The following C1QTNF3 variants were observed in gnomAD, a reference collection of about 807,000 sequenced individuals.
The protein encoded by C1QTNF3 is C1q and TNF related 3.
Under a neutral mutation model 32.6 loss-of-function variants are expected in C1QTNF3, and 26 were observed. That is an observed-to-expected ratio of 0.80 (90% CI 0.58 to 1.11). The LOEUF (loss-of-function observed/expected upper bound fraction) is 1.11, where lower values mean the gene tolerates loss of function less well. Among genes scored for constraint, C1QTNF3 ranks in the 50% least tolerant of loss-of-function variants. The probability of loss-of-function intolerance (pLI) is 0.00; values close to 1 mark genes in which losing one functional copy is unlikely to be tolerated. For missense variants in C1QTNF3, 362 were observed against 398.2 expected (o/e 0.91, Z 0.77); for synonymous variants, 155 against 146.0 (o/e 1.06, Z -0.44).
chr5:34,165,476 G>C, the C1QTNF3 span: 44 of 152,160 alleles, frequency 2.9e-4, no homozygotes, highest in South Asian at 7.9e-3. Flanking sequence ...AATAAAATTT[G>C]ATAATGTATG....
the C1QTNF3 span, among the ~76,000 whole-genome samples, chr5:34,062,282 G>C: frequency 6.7e-4 from 102 of 152,294 alleles, no homozygotes; most frequent in African/African-American, 2.4e-3. Context: ...ATGCAAAATT[G>C]TTTCAGAGAG....
At chr5:34,077,282 A>T in the C1QTNF3 span, among the ~76,000 whole-genome samples, 1 of 151,682 alleles carries the variant, frequency 6.6e-6, no homozygotes, top group African/African-American at 2.4e-5. Context: ...AAATGTTGCT[A>T]ATAATTATTT....
chr5:34,184,662 C>T, the C1QTNF3 span, among the ~76,000 whole-genome samples: 1 of 151,142 alleles, frequency 6.6e-6, no homozygotes, highest in African/African-American at 2.4e-5. Context: ...TGTAGTGAGC[C>T]GCGATCATGC....
chr5:34,124,486 G>A, the C1QTNF3 span: 4 of 715,246 alleles, frequency 5.6e-6, no homozygotes, highest in Non-Finnish European at 5.2e-6. Context: ...GGCCCGTCAC[G>A]ATGAGACCAG....
At chr5:34,133,451 A>T in the C1QTNF3 span, among the ~76,000 whole-genome samples, 1 of 152,136 alleles carries the variant, frequency 6.6e-6, no homozygotes, top group Non-Finnish European at 1.5e-5. Flanking sequence ...GCTGACTTTG[A>T]AAGGTTACTT....
the C1QTNF3 span, among the ~76,000 whole-genome samples, chr5:34,117,228 T>C: frequency 6.6e-6 from 1 of 152,362 alleles, no homozygotes; most frequent in East Asian, 1.9e-4. Flanking sequence ...TATATTCTAG[T>C]ATAATCCTTA....
the C1QTNF3 span, among the ~76,000 whole-genome samples, chr5:34,070,965 C>T: frequency 4.4e-4 from 67 of 152,200 alleles, no homozygotes; most frequent in African/African-American, 1.6e-3. Context: ...ACAAATTTGT[C>T]AATAAGCATT....
chr5:34,050,490 C>T, the C1QTNF3 span, among the ~76,000 whole-genome samples: 1 of 152,144 alleles, frequency 6.6e-6, no homozygotes, highest in Admixed American at 6.5e-5. Flanking sequence ...GCCAAAGCAA[C>T]TCCATTTTGA....
In C1QTNF3 at chr5:34,028,689, C is replaced by T. The variant is rs1037593360; in HGVS notation, c.700+65G>A. The T allele has an allele frequency of 2.2e-6, 3 of 1,390,070 alleles. No homozygotes were observed. In the Admixed American group the frequency reaches 6.5e-5, roughly 30 times the overall value. 86.1% of individuals were successfully genotyped at this position (1,390,070 alleles called of 1,614,324 possible). ...CCGTCCCTCCCTCTCTTCTTTCCTTCCTTCCTTAATTGTCTTTATTATTAC... is the reference window on the plus strand; with the variant it reads ...CCGTCCCTCCCTCTCTTCTTTCCTTTCTTCCTTAATTGTCTTTATTATTAC... On this transcript the variant is annotated intron_variant, in intron 4 of 5. Coordinates refer to ENST00000382065, the MANE Select transcript of C1QTNF3 (RefSeq NM_181435.6).
At chr5:34,094,183 T>A in the C1QTNF3 span, among the ~76,000 whole-genome samples, 1 of 152,170 alleles carries the variant, frequency 6.6e-6, no homozygotes, top group South Asian at 2.1e-4. Flanking sequence ...AACAATAAAC[T>A]CTATCTTTTA....
At chr5:34,211,403 T>C in the C1QTNF3 span, among the ~76,000 whole-genome samples, 36 of 152,192 alleles carry the variant, frequency 2.4e-4, no homozygotes, top group South Asian at 7.3e-3. Context: ...CCCCCTTTTT[T>C]TTTATACTTT....
the C1QTNF3 span, among the ~76,000 whole-genome samples, chr5:34,050,219 T>A: frequency 6.6e-6 from 1 of 152,160 alleles, no homozygotes; most frequent in Non-Finnish European, 1.5e-5. Flanking sequence ...TTCTTTAGGG[T>A]TCCATAGACC....
chr5:34,166,803 C>T, the C1QTNF3 span: 1 of 150,416 alleles, frequency 6.6e-6, no homozygotes, highest in Non-Finnish European at 1.5e-5. Flanking sequence ...TTTCAAATGA[C>T]ATAGTGAGAG....
At chr5:34,142,381 G>A in the C1QTNF3 span, among the ~76,000 whole-genome samples, 4 of 150,462 alleles carry the variant, frequency 2.7e-5, no homozygotes, top group Admixed American at 2.0e-4. Context: ...GCAGTGAGCC[G>A]AGATTGTGCC....
the C1QTNF3 span, among the ~76,000 whole-genome samples, chr5:34,067,620 A>G: frequency 1.3e-5 from 2 of 152,188 alleles, no homozygotes; most frequent in East Asian, 1.9e-4. Context: ...TGCCCCCATG[A>G]TTCAAGTACC....
chr5:34,213,777 G>GTATACATATATATATATATATATA, the C1QTNF3 span, among the ~76,000 whole-genome samples: 1 of 26,536 alleles, frequency 3.8e-5, no homozygotes, highest in South Asian at 1.4e-3. Context: ...ACACATACGT[G>GTATACATATATATATATATATATA]TATATATACA....
the C1QTNF3 span, among the ~76,000 whole-genome samples, chr5:34,198,861 C>T: frequency 6.3e-3 from 468 of 74,330 alleles, no homozygotes; most frequent in Non-Finnish European, 7.9e-3. Flanking sequence ...TGAACTTTAT[C>T]GCTGAAATCA....
intron 4 of C1QTNF3, among the ~76,000 whole-genome samples, chr5:34,027,724 T>TCCA (rs1395227512): frequency 2.6e-4 from 8 of 30,434 alleles, no homozygotes; most frequent in African/African-American, 5.6e-4. Context: ...ACAAAAAAAA[T>TCCA]CCACCACCAC....
upstream of C1QTNF3, among the ~76,000 whole-genome samples, chr5:34,047,630 C>T (rs1755009607): frequency 1.3e-5 from 2 of 152,180 alleles, no homozygotes; most frequent in African/African-American, 4.8e-5. Context: ...AAATACTCCC[C>T]GTACTAAGCA....
Sources: allele counts gnomAD v4.1 joint callset (sites outside exome capture counted in the v4.1 genomes callset), GRCh38; gene constraint gnomAD v4.1.1; transcripts MANE v1.5; gene names NCBI Gene and HGNC (gene_info 2026-07-23, HGNC 2026-07-21).